Variants in C12orf42 observed in about 807,000 individuals in gnomAD.
The protein encoded by C12orf42 is chromosome 12 open reading frame 42, also known as uncharacterized protein C12orf42.
A neutral mutation model predicts 21.6 loss-of-function variants in C12orf42; 25 were observed. The observed-to-expected ratio is 1.16, with a 90% CI of 0.84 to 1.62. The LOEUF is 1.62. C12orf42 is among the 40% of genes most tolerant of loss of function. The pLI, the probability that C12orf42 is intolerant of heterozygous loss-of-function variation, is 0.00. For missense variants in C12orf42, 483 were observed against 459.3 expected (o/e 1.05, Z -0.47); for synonymous variants, 174 against 175.0 (o/e 0.99, Z 0.05).
intron 1 of C12orf42, among the ~76,000 whole-genome samples, chr12:103,481,067 A>G (rs1206693112): frequency 6.6e-6 from 1 of 151,778 alleles, no homozygotes; most frequent in Non-Finnish European, 1.5e-5. Context: ...AATTAGCTGC[A>G]TTAAAGTTTA....
At chr12:103,353,664 G>T (rs542145848) in intron 4 of C12orf42, among the ~76,000 whole-genome samples, 8 of 152,194 alleles carry the variant, frequency 5.3e-5, no homozygotes, top group African/African-American at 1.9e-4. Context: ...CTCCCCAAAA[G>T]CTGAACAGCT....
At chr12:103,563,786 T>C in the C12orf42 span, among the ~76,000 whole-genome samples, 1 of 152,188 alleles carries the variant, frequency 6.6e-6, no homozygotes, top group African/African-American at 2.4e-5. Context: ...CGGGCAGAGA[T>C]TGATCCCCAA....
At chr12:103,493,580 C>A (rs185071958) in intron 1 of C12orf42, among the ~76,000 whole-genome samples, 1 of 152,062 alleles carries the variant, frequency 6.6e-6, no homozygotes, top group East Asian at 1.9e-4. Flanking sequence ...GACTTGGCCA[C>A]CCTAAACCAA....
At chr12:103,116,713 C>T in the C12orf42 span, among the ~76,000 whole-genome samples, 1 of 152,184 alleles carries the variant, frequency 6.6e-6, no homozygotes, top group African/African-American at 2.4e-5. Flanking sequence ...GTCTCTCGTC[C>T]TCACTGAGTC....
chr12:103,053,467 A>G, the C12orf42 span, among the ~76,000 whole-genome samples: 1 of 151,774 alleles, frequency 6.6e-6, no homozygotes, highest in South Asian at 2.1e-4. Flanking sequence ...TTAATGTTGG[A>G]TTTGAGAGTT....
the C12orf42 span, among the ~76,000 whole-genome samples, chr12:103,514,069 G>A: frequency 3.0e-3 from 461 of 152,238 alleles, 1 homozygote; most frequent in Non-Finnish European, 5.2e-3. Flanking sequence ...TAACAATCAC[G>A]GCAGAAAAGC....
At position 103,302,145 on chromosome 12, in the gene C12orf42, G is replaced by A. The variant is rs2037712146; in HGVS notation, c.1046C>T (p.Ala349Val). 5.0e-6 allele frequency: 8 copies of A among 1,613,062 alleles called. No homozygotes were observed. The highest frequency in any genetic ancestry group is 6.8e-6 in the Non-Finnish European group (8 of 1,179,512). Reference sequence around the variant, plus strand: ...AGCATTCACCACCGGCCTAGAAAGGGCCTGTGAACAAACCGTATGGAAACG... The same window carrying A: ...AGCATTCACCACCGGCCTAGAAAGGACCTGTGAACAAACCGTATGGAAACG... The part of the protein sequence containing the change: ...TRRFHTVCSQ[A>V]LSRPVVNAHL... Residue 349 changes from alanine to valine, a missense_variant, in exon 6 of 6, where the codon GCC becomes GTC. Ala to Val is a moderately conservative substitution (Grantham distance 64, BLOSUM62 0). Coordinates refer to ENST00000548883, the MANE Select transcript of C12orf42 (RefSeq NM_198521.5).
chr12:103,478,953 G>A (rs1954272347), intron 1 of C12orf42, among the ~76,000 whole-genome samples: 1 of 152,084 alleles, frequency 6.6e-6, no homozygotes, highest in Non-Finnish European at 1.5e-5. Flanking sequence ...GTATCACCTA[G>A]TAATAGTAAT....
At chr12:103,432,287 GGTGTTT>G (rs1950323356) in intron 2 of C12orf42, among the ~76,000 whole-genome samples, 1 of 152,148 alleles carries the variant, frequency 6.6e-6, no homozygotes, top group Non-Finnish European at 1.5e-5. Flanking sequence ...ATCAGCCTTA[GGTGTTT>G]CTAACTATTG....
At chr12:103,060,727 G>A in the C12orf42 span, among the ~76,000 whole-genome samples, 1 of 152,138 alleles carries the variant, frequency 6.6e-6, no homozygotes, top group African/African-American at 2.4e-5. Context: ...ATGGGGAAAG[G>A]TTTCCATATT....
chr12:103,346,480 T>G (rs963876293), intron 4 of C12orf42, among the ~76,000 whole-genome samples: 4 of 152,330 alleles, frequency 2.6e-5, no homozygotes, highest in East Asian at 1.9e-4. Context: ...AGGTATATAC[T>G]GTGAAATGGC....
At chr12:103,067,049 A>G in the C12orf42 span, among the ~76,000 whole-genome samples, 13 of 152,190 alleles carry the variant, frequency 8.5e-5, no homozygotes, top group African/African-American at 2.9e-4. Context: ...TGAGTGCCCA[A>G]TTGCCAGCAG....
At position 103,444,794 on chromosome 12, in the gene C12orf42, T is replaced by C. The variant is rs575805165; in HGVS notation, c.78+33555A>G. On this transcript the variant is annotated intron_variant, in intron 2 of 5. Transcript: ENST00000548883. The stretch of plus-strand genomic sequence containing the variant: ...GTTATGTTGACTGTCATACCTTCTT[T>C]AGTAATTAATCCTTTTATCAATATC... Among the ~76,000 whole-genome samples, 14 of 152,192 alleles carry C rather than the reference T, an allele frequency of 9.2e-5. No homozygotes were observed. In the East Asian group the frequency reaches 2.5e-3, roughly 27 times the overall value.
chr12:103,217,008 C>A, the C12orf42 span, among the ~76,000 whole-genome samples: 54,223 of 151,658 alleles, frequency 0.36, 10,511 homozygotes, highest in South Asian at 0.44. Flanking sequence ...ACCCCTGGCT[C>A]ATTTTTGTAT....
intron 4 of C12orf42, among the ~76,000 whole-genome samples, chr12:103,328,759 C>T (rs17033705): frequency 0.08 from 12,118 of 152,166 alleles, 497 homozygotes; most frequent in East Asian, 0.18. Context: ...GTATGCAAGC[C>T]ATGTTATTGA....
the C12orf42 span, among the ~76,000 whole-genome samples, chr12:103,213,651 G>A: frequency 1.3e-5 from 2 of 152,204 alleles, no homozygotes; most frequent in Non-Finnish European, 2.9e-5. Flanking sequence ...TAGTTTTCTC[G>A]AGGAGATTCA....
intron 10 of C12orf42, among the ~76,000 whole-genome samples, chr12:103,243,346 T>C (rs953851393): frequency 2.6e-5 from 4 of 152,068 alleles, no homozygotes; most frequent in Admixed American, 2.6e-4. Flanking sequence ...TATTATATAA[T>C]GTATATGAAA....
chr12:103,133,338 C>T, the C12orf42 span, among the ~76,000 whole-genome samples: 1 of 152,172 alleles, frequency 6.6e-6, no homozygotes, highest in African/African-American at 2.4e-5. Flanking sequence ...AACCCACCCA[C>T]CTACCCAGTC....
the C12orf42 span, among the ~76,000 whole-genome samples, chr12:103,542,652 T>C: frequency 6.6e-6 from 1 of 152,226 alleles, no homozygotes; most frequent in Non-Finnish European, 1.5e-5. Context: ...CCCTCCTGAA[T>C]TGCTATGCCA....
Sources: gnomAD v4.1 joint callset for allele counts (sites outside exome capture counted in the v4.1 genomes callset) on GRCh38, gnomAD v4.1.1 for gene constraint, MANE v1.5 for transcripts, NCBI Gene and HGNC (gene_info 2026-07-23, HGNC 2026-07-21) for gene names.